Variants in B3GAT1 observed in about 807,000 individuals in gnomAD.
B3GAT1 encodes the protein beta-1,3-glucuronyltransferase 1, also known as galactosylgalactosylxylosylprotein 3-beta-glucuronosyltransferase 1.
B3GAT1 carries 11 observed loss-of-function variants against 28.4 expected under a neutral mutation model. The ratio of observed to expected loss-of-function variants is 0.39; its 90% CI spans 0.24 to 0.64. The LOEUF (loss-of-function observed/expected upper bound fraction) is 0.64, where lower values mean the gene tolerates loss of function less well. Among genes scored for constraint, B3GAT1 ranks in the 30% least tolerant of loss-of-function variants. The probability of loss-of-function intolerance (pLI) is 0.50; values close to 1 mark genes in which losing one functional copy is unlikely to be tolerated. For synonymous variants in B3GAT1, 255 were observed against 223.1 expected (o/e 1.14, Z -1.27); for missense variants, 375 against 491.0 (o/e 0.76, Z 2.23).
chr11:134,406,132 T>C (rs1191063488), intron 1 of B3GAT1, among the ~76,000 whole-genome samples: 1 of 152,280 alleles, frequency 6.6e-6, no homozygotes, highest in African/African-American at 2.4e-5. Context: ...CTCTGAGACC[T>C]CCAGGCTCTG....
intron 1 of B3GAT1, among the ~76,000 whole-genome samples, chr11:134,406,871 T>G (rs1416371692): frequency 6.6e-6 from 1 of 152,096 alleles, no homozygotes. Flanking sequence ...AAAACACCTG[T>G]GCAGGCTCCG....
At chr11:134,405,802 A>C (rs943995440) in intron 1 of B3GAT1, among the ~76,000 whole-genome samples, 1 of 152,214 alleles carries the variant, frequency 6.6e-6, no homozygotes, top group Non-Finnish European at 1.5e-5. Flanking sequence ...CCAGGGTTGC[A>C]CAATCCAACT....
intron 2 of B3GAT1, chr11:134,384,496 C>T (rs75470947): frequency 4.7e-6 from 2 of 426,688 alleles, no homozygotes; most frequent in African/African-American, 2.0e-5. Flanking sequence ...AATGTGCTGA[C>T]TTTCCTATGA....
At chr11:134,408,435 G>T (rs12803690) in intron 1 of B3GAT1, among the ~76,000 whole-genome samples, 14 of 103,520 alleles carry the variant, frequency 1.4e-4, no homozygotes, top group African/African-American at 5.4e-4. Flanking sequence ...AGCCTGCACC[G>T]ACTCCAGTGG....
In B3GAT1 at chr11:134,393,002, T is replaced by C. The variant is rs1944440939; in HGVS notation, c.-281-5062A>G. Among the ~76,000 whole-genome samples the C allele has an allele frequency of 6.6e-6, 1 of 152,164 alleles. No homozygotes were observed. The highest frequency in any genetic ancestry group is 2.4e-5 in the African/African-American group (1 of 41,444). Reference sequence around the variant, plus strand: ...GTGGGCAATCCAGGGTGGGGAAGCTTTGCTCAGTCCAGAGCGGAAGAGACG... The same window carrying C: ...GTGGGCAATCCAGGGTGGGGAAGCTCTGCTCAGTCCAGAGCGGAAGAGACG... On this transcript the variant is annotated intron_variant, in intron 1 of 5. Coordinates refer to ENST00000312527, the MANE Select transcript of B3GAT1 (RefSeq NM_054025.3). This position sits in a 1 kb window ranked among gnomAD's most constrained non-coding sequence, Gnocchi z 4.0.
In B3GAT1 at chr11:134,387,655, G is replaced by A. The variant is rs780367245; in HGVS notation, c.5C>T (p.Pro2Leu). M[P>L]KRRDILAIVL... ...GATCGCTAGGATGTCCCGTCTCTTC[G>A]GCATCTCCAAGGCTGGCTGCACCCA... is the stretch of plus-strand genomic sequence containing the variant. The change falls in exon 2 of 6, where the codon CCG becomes CTG. Residue 2 changes from proline to leucine, a missense_variant. Coordinates refer to ENST00000312527, the MANE Select transcript of B3GAT1 (RefSeq NM_054025.3). The A allele has an allele frequency of 2.0e-5, 33 of 1,614,082 alleles. No homozygotes were observed. Among genetic ancestry groups the A allele is most frequent in the East Asian group, 4.5e-5 (2 of 44,874 alleles).
At position 134,404,006 on chromosome 11, in the gene B3GAT1, TA is replaced by T. The variant is rs1565459297; in HGVS notation, c.-282+7800del. On this transcript the variant is annotated intron_variant, in intron 1 of 5. Coordinates refer to ENST00000312527, the MANE Select transcript of B3GAT1 (RefSeq NM_054025.3). ...CTTTATATATATATATATATATATATATATATATATATATATATATATATTT... is the reference window on the plus strand; with the variant it reads ...CTTTATATATATATATATATATATATTATATATATATATATATATATATTT... Among the ~76,000 whole-genome samples the T allele has an allele frequency of 5.9e-3, 555 of 94,254 alleles. 12 individuals are homozygous for T. The highest frequency in any genetic ancestry group is 7.1e-3 in the African/African-American group (178 of 25,166). 61.8% of individuals were successfully genotyped at this position (94,254 alleles called of 152,430 possible).
Position 134,393,771 on chromosome 11 carries a change from G to A in B3GAT1, c.-281-5831C>T, listed in dbSNP as rs774049189. 3.3e-5 allele frequency among the ~76,000 whole-genome samples: 5 copies of A among 152,122 alleles called. No individual in the cohort carries two copies. Among genetic ancestry groups the A allele is most frequent in the Admixed American group, 6.6e-5 (1 of 15,266 alleles). On this transcript the variant is annotated intron_variant, in intron 1 of 5. Coordinates refer to ENST00000312527, the MANE Select transcript of B3GAT1 (RefSeq NM_054025.3). This position sits in a 1 kb window ranked among gnomAD's most constrained non-coding sequence, Gnocchi z 4.0. Reference sequence around the variant, plus strand: ...GCAGAGGGAGCCCCAGGCATCACACGGCGCCGGTCAGTGTGCTGTGCGGAC... The same window carrying A: ...GCAGAGGGAGCCCCAGGCATCACACAGCGCCGGTCAGTGTGCTGTGCGGAC...
intron 3 of B3GAT1, 132 bp downstream of exon 3, chr11:134,383,548 G>T: frequency 8.1e-7 from 1 of 1,230,774 alleles, no homozygotes; most frequent in Non-Finnish European, 1.1e-6. Flanking sequence ...GCTCTCTGCT[G>T]CCTGCCCCGC....
At position 134,412,136 on chromosome 11, in the gene B3GAT1, G is replaced by A. The variant is rs1944874350; in HGVS notation, c.-611C>T. ...AGCGGGGAGGGGGAGCGGGGAGCGG[G>A]CGCGGGGGCGAGAGGGGCGAGGGGG... is the stretch of plus-strand genomic sequence containing the variant. On this transcript the variant is annotated 5_prime_UTR_variant, in exon 1 of 6. Transcript: ENST00000312527. 7.0e-6 allele frequency among the ~76,000 whole-genome samples: 1 copy of A among 142,866 alleles called. No homozygotes were observed. The highest frequency in any genetic ancestry group is 1.6e-5 in the Non-Finnish European group (1 of 64,328). The allele number at this position is 142,866 out of a possible 152,430, so 93.7% of individuals were successfully genotyped here. A position where few individuals can be genotyped will look rare whatever the true frequency, so the allele number is the denominator to read the frequency against.
intron 1 of B3GAT1, among the ~76,000 whole-genome samples, chr11:134,395,925 ACT>A (rs1944496196): frequency 6.6e-6 from 1 of 151,934 alleles, no homozygotes. Context: ...ACTGAGGAAG[ACT>A]CTGCTTCCAA....
chr11:134,395,231 G>C (rs1233942401), intron 1 of B3GAT1, among the ~76,000 whole-genome samples: 1 of 152,224 alleles, frequency 6.6e-6, no homozygotes, highest in African/African-American at 2.4e-5. Flanking sequence ...GGGAAGCGGG[G>C]ATGGGCACAC....
intron 2 of B3GAT1, chr11:134,386,000 T>C (rs1565450960): frequency 6.6e-6 from 1 of 152,188 alleles, no homozygotes; most frequent in Non-Finnish European, 1.5e-5. Flanking sequence ...GCTTTATATA[T>C]AGTAGTTTTA....
At chr11:134,381,492 T>C (rs1944121652) in intron 5 of B3GAT1, among the ~76,000 whole-genome samples, 1 of 152,158 alleles carries the variant, frequency 6.6e-6, no homozygotes, top group Admixed American at 6.5e-5. Flanking sequence ...TACCTCTCAC[T>C]ATGACAGCCG....
Position 134,412,232 on chromosome 11 carries a change from G to T in B3GAT1, c.-707C>A, listed in dbSNP as rs1944877204. Among the ~76,000 whole-genome samples the T allele has an allele frequency of 6.9e-5, 10 of 145,234 alleles. No homozygotes were observed. Among genetic ancestry groups the T allele is most frequent in the Admixed American group, 6.8e-4 (10 of 14,730 alleles). On this transcript the variant is annotated 5_prime_UTR_variant, in exon 1 of 6. Coordinates refer to ENST00000312527, the MANE Select transcript of B3GAT1 (RefSeq NM_054025.3). ...AGGTGGCGGCGGATGCGCCGGTGCC[G>T]CCGCGGCTCTGCCGGCGCCTCCCGC...
chr11:134,402,732 G>A (rs1348443147), intron 1 of B3GAT1, among the ~76,000 whole-genome samples: 1 of 152,104 alleles, frequency 6.6e-6, no homozygotes, highest in East Asian at 1.9e-4. Flanking sequence ...GGCCAACATG[G>A]GGAAACCCTG....
At chr11:134,395,355 G>A (rs1269068186) in intron 1 of B3GAT1, among the ~76,000 whole-genome samples, 1 of 152,182 alleles carries the variant, frequency 6.6e-6, no homozygotes, top group Non-Finnish European at 1.5e-5. Context: ...TGGTGAGCCA[G>A]GCCCATGGAA....
chr11:134,404,025 A>ATG (rs1565459449), intron 1 of B3GAT1, among the ~76,000 whole-genome samples: 1 of 116,592 alleles, frequency 8.6e-6, no homozygotes, highest in Non-Finnish European at 1.8e-5. Flanking sequence ...ATATATATAT[A>ATG]TATATTTATT....
At chr11:134,385,669 T>C (rs1220252084) in intron 2 of B3GAT1, 3 of 152,178 alleles carry the variant, frequency 2.0e-5, no homozygotes, top group Non-Finnish European at 2.9e-5. Flanking sequence ...TGTCCACCTC[T>C]CTGCCACCCA....
Sources: gnomAD v4.1 joint callset for allele counts (sites outside exome capture counted in the v4.1 genomes callset) on GRCh38, gnomAD v4.1.1 for gene constraint, Gnocchi (gnomAD v3.1) non-coding constraint, MANE v1.5 for transcripts, NCBI Gene and HGNC (gene_info 2026-07-23, HGNC 2026-07-21) for gene names.